NBPF15: variants seen among roughly 807,000 people sequenced by gnomAD.
NBPF15 encodes the protein NBPF member 15.
In NBPF15, 74 loss-of-function variants were observed where a neutral mutation model predicts 62.2. The ratio of observed to expected loss-of-function variants is 1.19; its 90% CI spans 0.99 to 1.44. NBPF15 has a LOEUF of 1.44. Ranked by LOEUF, NBPF15 falls within the 40% of genes most tolerant of loss-of-function variation. The pLI is 0.00. For missense variants in NBPF15, 790 were observed against 550.0 expected, an observed-to-expected ratio of 1.44 and a Z score of -4.36; for synonymous variants, 244 against 209.7, an observed-to-expected ratio of 1.16 and a Z score of -1.41.
chr1:144,443,265 T>G (rs1684911266), intron 6 of NBPF15, among the ~76,000 whole-genome samples: 1 of 152,050 alleles, frequency 6.6e-6, no homozygotes, highest in South Asian at 2.1e-4. Context: ...TCAATAACTG[T>G]ACATATGTGG....
At chr1:144,442,781 TG>T (rs1168688965) in intron 6 of NBPF15, 2 of 206,280 alleles carry the variant, frequency 9.7e-6, no homozygotes, top group East Asian at 1.2e-4. Context: ...GGACTGACAC[TG>T]GGGGGCCAGA....
At chr1:144,459,305 A>G (rs587669983) in intron 3 of NBPF15, 61 bp downstream of exon 3, 1 of 152,024 alleles carries the variant, frequency 6.6e-6, no homozygotes, top group East Asian at 1.9e-4. Context: ...AGCCTATGCA[A>G]TGTGGCAAAA....
rs1310756111 is a variant in NBPF15, at chr1:144,424,705, A to G, written c.1648T>C (p.Ser550Pro). The change falls in exon 20 of 22, where the codon TCT becomes CCT. Residue 550 changes from serine (S) to proline (P), a missense_variant. Transcript: ENST00000581897. ...YALEEKHVGF[S>P]LDVGEIEKKG... ...AGGTACTCACCTCCCACGTCAAGAG[A>G]AAAGCCAACATGTTTTTCCTCCAAT... 4.8e-6 allele frequency: 3 copies of G among 624,378 alleles called. No homozygotes were observed. Among genetic ancestry groups the G allele is most frequent in the Admixed American group, 5.8e-5 (2 of 34,484 alleles). The allele number at this position is 624,378 out of a possible 1,614,324, so 38.7% of individuals were successfully genotyped here. A position where few individuals can be genotyped will look rare whatever the true frequency, so the allele number is the denominator to read the frequency against.
chr1:144,445,852 CCTTT>C (rs1466193549), intron 6 of NBPF15, among the ~76,000 whole-genome samples: 1 of 132,754 alleles, frequency 7.5e-6, no homozygotes, highest in Non-Finnish European at 1.6e-5. Flanking sequence ...TGTTGACTTT[CCTTT>C]TTTTTTTTTT....
chr1:144,452,505 A>G (rs587709214), intron 4 of NBPF15, among the ~76,000 whole-genome samples: 1 of 151,598 alleles, frequency 6.6e-6, no homozygotes, highest in Admixed American at 6.6e-5. Context: ...AGTCATGGGG[A>G]CCAGGGATTA....
At chr1:144,428,878 T>C (rs1672042405) in intron 14 of NBPF15, among the ~76,000 whole-genome samples, 1 of 152,064 alleles carries the variant, frequency 6.6e-6, no homozygotes, top group Non-Finnish European at 1.5e-5. Context: ...TGGAATGTTA[T>C]CTTCCCTATG....
At chr1:144,427,468 A>C (rs1356024077) in intron 16 of NBPF15, among the ~76,000 whole-genome samples, 2 of 150,266 alleles carry the variant, frequency 1.3e-5, no homozygotes, top group Non-Finnish European at 3.0e-5. Flanking sequence ...CATGGTAGCA[A>C]GGATTTTAGA....
intron 8 of NBPF15, among the ~76,000 whole-genome samples, chr1:144,438,524 A>G (rs1309240201): frequency 6.6e-6 from 1 of 152,052 alleles, no homozygotes; most frequent in African/African-American, 2.4e-5. Context: ...TTTAAATCAT[A>G]TCTTCAGTTA....
intron 8 of NBPF15, among the ~76,000 whole-genome samples, chr1:144,438,411 T>C (rs1373830631): frequency 6.6e-6 from 1 of 151,950 alleles, no homozygotes; most frequent in African/African-American, 2.4e-5. Context: ...AGTAGTGATT[T>C]CTCGTACAGT....
chr1:144,439,899 G>A lies in NBPF15; in HGVS notation c.105C>T (p.Phe35=), dbSNP rs1332805626. Residue 35 remains phenylalanine (F), a synonymous_variant, in exon 8 of 22, where the codon TTC becomes TTT. Transcript: ENST00000581897. ...RPQLAEKKQQ[F]RNLKEKCFLT... ...GAAAACATTTCTCTTTGAGGTTTCT[G>A]AACTGCTGTTTCTTCTCTGCCAACT... 1 of 1,611,458 alleles carries A rather than the reference G, an allele frequency of 6.2e-7. No homozygotes were observed.
intron 6 of NBPF15, among the ~76,000 whole-genome samples, chr1:144,444,835 G>C (rs1172583706): frequency 6.6e-6 from 1 of 152,034 alleles, no homozygotes; most frequent in East Asian, 1.9e-4. Flanking sequence ...CGCCCCTCAG[G>C]TTGGTCTGGA....
intron 3 of NBPF15, among the ~76,000 whole-genome samples, chr1:144,458,161 G>A (rs1436105227): frequency 5.3e-5 from 8 of 152,060 alleles, no homozygotes; most frequent in South Asian, 2.1e-4. Context: ...ATCACATCAC[G>A]TCGGCCCTTT....
At chr1:144,425,091 C>CACAA in intron 19 of NBPF15, among the ~76,000 whole-genome samples, 1 of 146,888 alleles carries the variant, frequency 6.8e-6, no homozygotes, top group South Asian at 2.3e-4. Context: ...CACACACACA[C>CACAA]ACACACACAC....
intron 13 of NBPF15, among the ~76,000 whole-genome samples, chr1:144,432,211 G>A (rs1427160613): frequency 7.2e-5 from 11 of 151,898 alleles, no homozygotes; most frequent in Admixed American, 4.6e-4. Context: ...GCCAAACAAA[G>A]CTTCATAAGT....
At chr1:144,445,905 G>T (rs1308186399) in intron 6 of NBPF15, among the ~76,000 whole-genome samples, 15 of 135,156 alleles carry the variant, frequency 1.1e-4, no homozygotes, top group Non-Finnish European at 2.2e-4. Flanking sequence ...TACCCAGGCT[G>T]GAGTGCAGTG....
In NBPF15 at chr1:144,433,478, C is replaced by CA. The variant is rs1336081008; in HGVS notation, c.824+294dup. ...AGCAGAACTAAAGGAGATAGAGACA[C>CA]AAAAAACCCTTCAAAAAATCAATGA... On this transcript the variant is annotated intron_variant, in intron 13 of 21. Transcript: ENST00000581897. 9.5e-5 allele frequency among the ~76,000 whole-genome samples: 14 copies of CA among 147,392 alleles called. 1 individual carries two copies. Among genetic ancestry groups the CA allele is most frequent in the African/African-American group, 3.2e-4 (13 of 40,056 alleles).
chr1:144,428,088 A>C, intron 15 of NBPF15, 98 bp from the exon 16 acceptor site: 1 of 744,366 alleles, frequency 1.3e-6, no homozygotes, highest in South Asian at 1.4e-5. Context: ...GAGTTTGAAA[A>C]GAAAAAGGAC....
At chr1:144,442,194 T>G (rs1232176866) in intron 6 of NBPF15, among the ~76,000 whole-genome samples, 2 of 107,854 alleles carry the variant, frequency 1.9e-5, no homozygotes, top group African/African-American at 8.4e-5. Context: ...TATATACACG[T>G]GTATATATAT....
chr1:144,427,505 T>A (rs1242623086), intron 16 of NBPF15, among the ~76,000 whole-genome samples: 2 of 148,868 alleles, frequency 1.3e-5, no homozygotes, highest in African/African-American at 2.5e-5. Flanking sequence ...AAGGATGAAA[T>A]CTACAAGATC....
Sources: allele counts gnomAD v4.1 joint callset (sites outside exome capture counted in the v4.1 genomes callset), GRCh38; gene constraint gnomAD v4.1.1; transcripts MANE v1.5; gene names NCBI Gene and HGNC (gene_info 2026-07-23, HGNC 2026-07-21).